The following SAMD4A variants were observed in gnomAD, a reference collection of about 807,000 sequenced individuals.
SAMD4A encodes the protein protein Smaug homolog 1.
Under a neutral mutation model 81.3 loss-of-function variants are expected in SAMD4A, and 33 were observed. The observed-to-expected ratio is 0.41, with a 90% CI of 0.31 to 0.54. The LOEUF is 0.54. SAMD4A is among the 20% of genes least tolerant of loss of function. The pLI, the probability that SAMD4A is intolerant of heterozygous loss-of-function variation, is 0.37. For synonymous variants in SAMD4A, 389 were observed against 382.1 expected (o/e 1.02, Z -0.21); for missense variants, 854 against 951.1 (o/e 0.90, Z 1.34).
chr14:54,761,878 G>C (rs1419160566), intron 7 of SAMD4A, among the ~76,000 whole-genome samples: 3 of 152,084 alleles, frequency 2.0e-5, no homozygotes, highest in African/African-American at 7.2e-5. Flanking sequence ...TCTTAGCCCA[G>C]TTCACACTAG....
intron 11 of SAMD4A, among the ~76,000 whole-genome samples, chr14:54,781,215 A>G (rs1161131796): frequency 6.6e-6 from 1 of 152,240 alleles, no homozygotes; most frequent in Non-Finnish European, 1.5e-5. Context: ...AAAGTCCTAA[A>G]GAAATTGGCT....
chr14:54,702,186 A>C lies in SAMD4A; in HGVS notation c.321A>C (p.Lys107Asn), dbSNP rs1566593280. The change falls in exon 3 of 13, where the codon AAA becomes AAC. Residue 107 changes from lysine to asparagine, a missense_variant. Around this residue, in one of 3 missense-constraint regions of SAMD4A, gnomAD observed 387 missense variants for 405.8 expected, o/e 0.95. Coordinates refer to ENST00000554335, the MANE Select transcript of SAMD4A (RefSeq NM_015589.6). ...TAGAATATATGAAACTGCTGCCCAA[A>C]ATCCTGGCTCACTCTATTGAACACA... The part of the protein sequence containing the change: ...AKVEYMKLLP[K>N]ILAHSIEHNQ... 6.2e-7 allele frequency: 1 copy of C among 1,614,172 alleles called. No homozygotes were observed. The highest frequency in any genetic ancestry group is 8.5e-7 in the Non-Finnish European group (1 of 1,180,020).
chr14:54,604,173 A>G (rs1371999984), intron 2 of SAMD4A, among the ~76,000 whole-genome samples: 1 of 152,144 alleles, frequency 6.6e-6, no homozygotes, highest in Non-Finnish European at 1.5e-5. Context: ...TGCTGAGCAT[A>G]GTTGTCTGTG....
chr14:54,679,938 T>C (rs962536137), intron 2 of SAMD4A, among the ~76,000 whole-genome samples: 4 of 152,258 alleles, frequency 2.6e-5, no homozygotes, highest in Non-Finnish European at 5.9e-5. Flanking sequence ...AGATAGGACA[T>C]GATGGGATAG....
chr14:54,653,210 T>G (rs1366363229), intron 2 of SAMD4A, among the ~76,000 whole-genome samples: 1 of 151,908 alleles, frequency 6.6e-6, no homozygotes, highest in Non-Finnish European at 1.5e-5. Flanking sequence ...CCCGGAGGTG[T>G]TTCCAGGGCT....
chr14:54,667,875 G>C (rs930716024), intron 2 of SAMD4A, among the ~76,000 whole-genome samples: 1 of 152,178 alleles, frequency 6.6e-6, no homozygotes, highest in African/African-American at 2.4e-5. Context: ...GAGAGGTTAC[G>C]TGAGCGCCCC....
At chr14:54,740,677 G>A (rs912834294) in intron 4 of SAMD4A, among the ~76,000 whole-genome samples, 30 of 152,174 alleles carry the variant, frequency 2.0e-4, no homozygotes, top group African/African-American at 7.2e-4. Flanking sequence ...TCATGGTCCA[G>A]CATTCTTGCT....
At chr14:54,715,788 A>G (rs1465898461) in intron 3 of SAMD4A, among the ~76,000 whole-genome samples, 17 of 152,196 alleles carry the variant, frequency 1.1e-4, no homozygotes. Context: ...GTGATCTGAT[A>G]ATTTAGAAAC....
chr14:54,731,513 T>A (rs2037557870), intron 3 of SAMD4A, among the ~76,000 whole-genome samples: 1 of 152,234 alleles, frequency 6.6e-6, no homozygotes, highest in African/African-American at 2.4e-5. Flanking sequence ...TTTAAAATAA[T>A]GTGCAAACAC....
intron 3 of SAMD4A, among the ~76,000 whole-genome samples, chr14:54,706,613 AAAAG>A (rs200367228): frequency 0.55 from 78,131 of 142,222 alleles, 23,645 homozygotes; most frequent in Non-Finnish European, 0.67. Context: ...TCAAAAAAAA[AAAAG>A]AAAGAAAGAA....
chr14:54,639,828 G>A (rs371048083), intron 2 of SAMD4A, among the ~76,000 whole-genome samples: 5 of 118,544 alleles, frequency 4.2e-5, no homozygotes, highest in South Asian at 2.7e-4. Flanking sequence ...ACACACACAC[G>A]TACACACCAC....
intron 3 of SAMD4A, among the ~76,000 whole-genome samples, chr14:54,717,800 T>A (rs1274624488): frequency 6.6e-6 from 1 of 151,904 alleles, no homozygotes; most frequent in African/African-American, 2.4e-5. Flanking sequence ...TAAGCATCTT[T>A]GCAGACCTCG....
chr14:54,667,270 G>T (rs1184903616), intron 2 of SAMD4A, among the ~76,000 whole-genome samples: 2 of 152,214 alleles, frequency 1.3e-5, no homozygotes, highest in Admixed American at 1.3e-4. Flanking sequence ...AACTCTGCAA[G>T]TGACCTCAGC....
At chr14:54,574,289 T>C (rs1456658562) in intron 2 of SAMD4A, among the ~76,000 whole-genome samples, 2 of 152,070 alleles carry the variant, frequency 1.3e-5, no homozygotes, top group Non-Finnish European at 2.9e-5. Flanking sequence ...AAAACTGAAA[T>C]TGAGTGAAAG....
intron 4 of SAMD4A, among the ~76,000 whole-genome samples, 167 bp downstream of exon 4, chr14:54,737,454 G>A (rs1336478151): frequency 6.6e-6 from 1 of 151,744 alleles, no homozygotes; most frequent in Non-Finnish European, 1.5e-5. Context: ...ATGGCAGAAA[G>A]GGCTCAGATT....
intron 3 of SAMD4A, among the ~76,000 whole-genome samples, chr14:54,718,635 C>T (rs1264551930): frequency 1.3e-5 from 2 of 152,114 alleles, no homozygotes; most frequent in South Asian, 2.1e-4. Context: ...GATGTTAACC[C>T]TGTGAGACCA....
intron 2 of SAMD4A, among the ~76,000 whole-genome samples, chr14:54,622,749 G>C (rs542852120): frequency 1.3e-5 from 2 of 152,156 alleles, no homozygotes; most frequent in Non-Finnish European, 2.9e-5. Flanking sequence ...CTGGTCTGTC[G>C]TGCAGCGTAG....
At chr14:54,700,723 A>C (rs1016749287) in intron 2 of SAMD4A, among the ~76,000 whole-genome samples, 7 of 152,192 alleles carry the variant, frequency 4.6e-5, no homozygotes, top group African/African-American at 9.7e-5. Flanking sequence ...GCCTGTGAAT[A>C]ACTGTCAATC....
chr14:54,608,472 G>C (rs1429485362), intron 2 of SAMD4A, among the ~76,000 whole-genome samples: 1 of 152,190 alleles, frequency 6.6e-6, no homozygotes, highest in Non-Finnish European at 1.5e-5. Context: ...GTATTGAAAG[G>C]AAATGGGGCA....
Sources: allele counts gnomAD v4.1 joint callset (sites outside exome capture counted in the v4.1 genomes callset), GRCh38; gene constraint gnomAD v4.1.1; regional missense constraint gnomAD v4.1.1; transcripts MANE v1.5; gene names NCBI Gene and HGNC (gene_info 2026-07-23, HGNC 2026-07-21).